The following PTPRZ1 variants were observed in gnomAD, a reference collection of about 807,000 sequenced individuals.
PTPRZ1 encodes the protein protein tyrosine phosphatase receptor type Z1.
PTPRZ1 carries 82 observed loss-of-function variants against 214.1 expected under a neutral mutation model. The ratio of observed to expected loss-of-function variants is 0.38; its 90% CI spans 0.32 to 0.46. PTPRZ1 has a LOEUF of 0.46. Among genes scored for constraint, PTPRZ1 ranks in the 20% least tolerant of loss-of-function variants. The probability of loss-of-function intolerance (pLI) is 1.00; values close to 1 mark genes in which losing one functional copy is unlikely to be tolerated. For missense variants in PTPRZ1, 2,603 were observed against 2,748.7 expected, an observed-to-expected ratio of 0.95 and a Z score of 1.19; for synonymous variants, 945 against 987.9, an observed-to-expected ratio of 0.96 and a Z score of 0.81.
At chr7:121,956,476 C>T (rs1796709825) in intron 2 of PTPRZ1, among the ~76,000 whole-genome samples, 1 of 152,218 alleles carries the variant, frequency 6.6e-6, no homozygotes, top group Non-Finnish European at 1.5e-5. Flanking sequence ...GTTGACATTT[C>T]ACATTTAGCA....
At position 121,891,451 on chromosome 7, in the gene PTPRZ1, C is replaced by CTTTTTTTTTTTT. The variant is rs58135453; in HGVS notation, c.58+17913_58+17924dup. Among the ~76,000 whole-genome samples, 161 of 35,740 alleles carry CTTTTTTTTTTTT rather than the reference C, an allele frequency of 4.5e-3. 5 individuals are homozygous for CTTTTTTTTTTTT. Among genetic ancestry groups the CTTTTTTTTTTTT allele is most frequent in the South Asian group, 9.6e-3 (6 of 628 alleles). 23.4% of individuals were successfully genotyped at this position (35,740 alleles called of 152,430 possible). On this transcript the variant is annotated intron_variant, in intron 1 of 29. Coordinates refer to ENST00000393386, the MANE Select transcript of PTPRZ1 (RefSeq NM_002851.3). ...AAATATTTGTTGAATAAAACAACCTCTTTTTTTTTTTTTTTTTTTTTTTTT... is the reference window on the plus strand; with the variant it reads ...AAATATTTGTTGAATAAAACAACCTCTTTTTTTTTTTTTTTTTTTTTTTTTTTTTTTTTTTTT...
intron 13 of PTPRZ1, among the ~76,000 whole-genome samples, chr7:122,025,984 A>G (rs1799197635): frequency 6.6e-6 from 1 of 152,244 alleles, no homozygotes; most frequent in Non-Finnish European, 1.5e-5. Flanking sequence ...AAAGCCTTGG[A>G]TATTATAATC....
intron 1 of PTPRZ1, among the ~76,000 whole-genome samples, chr7:121,897,570 C>G (rs1171353754): frequency 1.3e-5 from 2 of 152,212 alleles, no homozygotes; most frequent in African/African-American, 4.8e-5. Flanking sequence ...AGTCTGCACT[C>G]TCTGTCACTG....
At chr7:122,056,337 C>T (rs191667681) in intron 27 of PTPRZ1, among the ~76,000 whole-genome samples, 69 of 151,892 alleles carry the variant, frequency 4.5e-4, no homozygotes, top group Admixed American at 1.2e-3. Context: ...CTAGATAATA[C>T]AGGTTCCTGA....
chr7:121,886,690 G>A (rs1446206671), intron 1 of PTPRZ1, among the ~76,000 whole-genome samples: 1 of 152,004 alleles, frequency 6.6e-6, no homozygotes, highest in Non-Finnish European at 1.5e-5. Context: ...TTAAGGAATC[G>A]GATTCTTAGG....
At chr7:122,034,236 T>G in intron 16 of PTPRZ1, 46 bp from the exon 17 acceptor site, 4 of 1,585,732 alleles carry the variant, frequency 2.5e-6, no homozygotes, top group Non-Finnish European at 3.5e-6. Flanking sequence ...AGGCACGTTG[T>G]TTGAAAGAAT....
intron 6 of PTPRZ1, among the ~76,000 whole-genome samples, chr7:121,979,543 G>T (rs1215752876): frequency 1.3e-5 from 2 of 152,182 alleles, no homozygotes; most frequent in African/African-American, 4.8e-5. Flanking sequence ...AGTAATAGGA[G>T]CTGGTTTTAT....
In PTPRZ1 at chr7:122,012,661, T is replaced by C. The variant is rs1280518461; in HGVS notation, c.3615T>C (p.Asp1205=). 3.1e-6 allele frequency: 5 copies of C among 1,613,592 alleles called. No homozygotes were observed. The highest frequency in any genetic ancestry group is 4.2e-6 in the Non-Finnish European group (5 of 1,179,602). ...LKTVLPAVPS[D]PILVETPKVD... ...CTGTTCTTCCAGCTGTGCCCAGTGA[T>C]CCAATATTGGTTGAAACCCCCAAAG... Residue 1205 remains aspartate (D), a synonymous_variant, in exon 12 of 30, where the codon GAT becomes GAC. Transcript: ENST00000393386.
At chr7:121,900,009 A>T (rs553892819) in intron 1 of PTPRZ1, among the ~76,000 whole-genome samples, 233 of 152,168 alleles carry the variant, frequency 1.5e-3, no homozygotes, top group Non-Finnish European at 2.8e-3. Context: ...CAGTCAATAG[A>T]TACTCTCATG....
chr7:122,032,474 C>T (rs2150469860), intron 15 of PTPRZ1, among the ~76,000 whole-genome samples: 1 of 152,276 alleles, frequency 6.6e-6, no homozygotes, highest in South Asian at 2.1e-4. Flanking sequence ...AGCCTCCCCG[C>T]TGGCCATTCC....
intron 9 of PTPRZ1, among the ~76,000 whole-genome samples, chr7:121,997,209 A>C (rs1227059364): frequency 6.6e-6 from 1 of 152,168 alleles, no homozygotes; most frequent in Admixed American, 6.5e-5. Context: ...ATCTGGATGT[A>C]GGTCCAGAAA....
Position 122,000,664 on chromosome 7 carries a change from T to TATATATAC in PTPRZ1, c.1240+2665_1240+2666insCATATATA, listed in dbSNP as rs1268624006. ...TAGATTTCATATATATATATATATA[T>TATATATAC]ATATATATATATATATATATATATA... On this transcript the variant is annotated intron_variant, in intron 10 of 29. Transcript: ENST00000393386. Among the ~76,000 whole-genome samples, 5 of 45,996 alleles carry TATATATAC rather than the reference T, an allele frequency of 1.1e-4. No homozygotes were observed. The East Asian group carries it at 3.2e-3, about 29-fold the overall frequency. The allele number at this position is 45,996 out of a possible 152,430, so 30.2% of individuals were successfully genotyped here. A position where few individuals can be genotyped will look rare whatever the true frequency, so the allele number is the denominator to read the frequency against.
At position 122,042,749 on chromosome 7, in the gene PTPRZ1, A is replaced by T. The variant is rs761813099; in HGVS notation, c.5937+6A>T. The stretch of plus-strand genomic sequence containing the variant: ...ATTATTTGGTACAAACTGAGGTATG[A>T]TTTTTAAAAAGATGATTTTATTCAT... On this transcript the variant is annotated splice_donor_region_variant and intron_variant, in intron 22 of 29. Coordinates refer to ENST00000393386, the MANE Select transcript of PTPRZ1 (RefSeq NM_002851.3). 5.0e-6 allele frequency: 8 copies of T among 1,607,490 alleles called. No homozygotes were observed. Among genetic ancestry groups the T allele is most frequent in the Non-Finnish European group, 6.8e-6 (8 of 1,174,394 alleles).
chr7:122,004,477 G>T, intron 10 of PTPRZ1, 137 bp from the exon 11 acceptor site: 1 of 560,434 alleles, frequency 1.8e-6, no homozygotes, highest in South Asian at 1.8e-5. Context: ...AATTTTTATT[G>T]TGAGAAAGTC....
intron 1 of PTPRZ1, among the ~76,000 whole-genome samples, chr7:121,926,529 C>T (rs1003967671): frequency 4.0e-5 from 6 of 151,856 alleles, no homozygotes; most frequent in East Asian, 1.9e-4. Flanking sequence ...CATTATGTGA[C>T]GTGAAAGAAG....
In PTPRZ1 at chr7:121,962,615, A is replaced by G. The variant is rs188804630; in HGVS notation, c.125-5336A>G. 4.2e-3 allele frequency among the ~76,000 whole-genome samples: 633 copies of G among 150,808 alleles called. 3 individuals are homozygous for G. Among genetic ancestry groups the G allele is most frequent in the African/African-American group, 0.015 (599 of 41,064 alleles). ...AGTCTTGCTCTGTTGCCCAGGCTGGAGTGCAGTGGTGCAATCTTGGCTCAC... is the reference window on the plus strand; with the variant it reads ...AGTCTTGCTCTGTTGCCCAGGCTGGGGTGCAGTGGTGCAATCTTGGCTCAC... On this transcript the variant is annotated intron_variant, in intron 2 of 29. Coordinates refer to ENST00000393386, the MANE Select transcript of PTPRZ1 (RefSeq NM_002851.3).
chr7:122,053,047 A>G (rs1792235359), intron 25 of PTPRZ1, among the ~76,000 whole-genome samples: 1 of 152,178 alleles, frequency 6.6e-6, no homozygotes, highest in Non-Finnish European at 1.5e-5. Context: ...AAAGTCTTCA[A>G]TGAAAAACCA....
In PTPRZ1 at chr7:122,012,651, T is replaced by C; in HGVS notation, c.3605T>C (p.Val1202Ala). ...DTLLKTVLPAVPSDPILVETP... is the reference protein window; with the variant it reads ...DTLLKTVLPAAPSDPILVETP... ...TTGCTTAAAACTGTTCTTCCAGCTG[T>C]GCCCAGTGATCCAATATTGGTTGAA... The change falls in exon 12 of 30, where the codon GTG becomes GCG. Residue 1202 changes from valine to alanine, a missense_variant. By Grantham distance (64) the Val-to-Ala change is moderately conservative. This residue lies in a region of PTPRZ1 where 1,913 missense variants were observed against 1,914.3 expected (regional missense o/e 1.00). Transcript: ENST00000393386. 1.2e-6 allele frequency: 2 copies of C among 1,613,626 alleles called. No individual in the cohort carries two copies. Among genetic ancestry groups the C allele is most frequent in the Admixed American group, 1.7e-5 (1 of 60,020 alleles).
intron 20 of PTPRZ1, among the ~76,000 whole-genome samples, chr7:122,040,302 A>AT: frequency 6.6e-6 from 1 of 152,246 alleles, no homozygotes; most frequent in Admixed American, 6.5e-5. Flanking sequence ...AGAGGTTTAC[A>AT]TTTTTAAGAA....
Sources: gnomAD v4.1 joint callset for allele counts (sites outside exome capture counted in the v4.1 genomes callset) on GRCh38, gnomAD v4.1.1 for gene constraint, gnomAD v4.1.1 regional missense constraint, MANE v1.5 for transcripts, NCBI Gene and HGNC (gene_info 2026-07-23, HGNC 2026-07-21) for gene names.